DNAAF10: variants seen among roughly 807,000 people sequenced by gnomAD.
The protein encoded by DNAAF10 is dynein axonemal assembly factor 10.
Under a neutral mutation model 43.7 loss-of-function variants are expected in DNAAF10, and 28 were observed. That is an observed-to-expected ratio of 0.64 (90% CI 0.48 to 0.88). DNAAF10 has a LOEUF of 0.88. Among genes scored for constraint, DNAAF10 ranks in the 40% least tolerant of loss-of-function variants. DNAAF10 has a pLI of 0.00. For missense variants in DNAAF10, 403 were observed against 439.1 expected (o/e 0.92, Z 0.73); for synonymous variants, 156 against 157.3 (o/e 0.99, Z 0.06).
At chr2:68,144,441 G>T in intron 3 of DNAAF10, 144 bp downstream of exon 3, 1 of 1,026,642 alleles carries the variant, frequency 9.7e-7, no homozygotes, top group Non-Finnish European at 1.4e-6. Context: ...AATCAAACTT[G>T]TCTGTTAAAA....
At chr2:68,144,347 C>G (rs1673262452) in intron 3 of DNAAF10, among the ~76,000 whole-genome samples, 1 of 152,180 alleles carries the variant, frequency 6.6e-6, no homozygotes. Context: ...AGTAGCTGAA[C>G]CAGCTCAACA....
chr2:68,133,574 G>A (rs555296790), intron 7 of DNAAF10, among the ~76,000 whole-genome samples: 16 of 152,164 alleles, frequency 1.1e-4, no homozygotes, highest in Non-Finnish European at 2.1e-4. Context: ...CCAACATGGT[G>A]AAACCCCGTC....
At chr2:68,138,661 G>C (rs1673102600) in intron 5 of DNAAF10, 81 bp downstream of exon 5, 3 of 1,002,244 alleles carry the variant, frequency 3.0e-6, no homozygotes, top group Non-Finnish European at 4.7e-6. Context: ...TGAGTTACTA[G>C]AGGTGTTTTC....
intron 1 of DNAAF10, among the ~76,000 whole-genome samples, chr2:68,153,956 T>G (rs771812283): frequency 6.6e-6 from 1 of 152,070 alleles, no homozygotes; most frequent in South Asian, 2.1e-4. Context: ...GGTTTCACCA[T>G]GTTGGCCAGG....
At position 68,130,115 on chromosome 2, in the gene DNAAF10, G is replaced by GAGAGAGATAT. The variant is rs1453152500; in HGVS notation, c.*1122_*1123insATATCTCTCT. The GAGAGAGATAT allele has an allele frequency of 7.5e-6, 1 of 132,940 alleles. No individual in the cohort carries two copies. Among genetic ancestry groups the GAGAGAGATAT allele is most frequent in the African/African-American group, 2.9e-5 (1 of 34,256 alleles). 8.2% of individuals were successfully genotyped at this position (132,940 alleles called of 1,614,324 possible). The stretch of plus-strand genomic sequence containing the variant: ...CAACCGTGCCGTTTTGAGAGAGAGA[G>GAGAGAGATAT]ATATATATATATATATTTGTTTTTT... On this transcript the variant is annotated 3_prime_UTR_variant, in exon 8 of 8. Transcript: ENST00000295121.
intron 4 of DNAAF10, among the ~76,000 whole-genome samples, 190 bp downstream of exon 4, chr2:68,141,504 C>A (rs1194313760): frequency 6.6e-6 from 1 of 152,216 alleles, no homozygotes; most frequent in African/African-American, 2.4e-5. Context: ...GGCCACATGG[C>A]CAATAAGTAG....
intron 7 of DNAAF10, chr2:68,134,413 T>G: frequency 8.4e-7 from 1 of 1,190,208 alleles, no homozygotes; most frequent in Non-Finnish European, 1.0e-6. Context: ...TTCTAATCAC[T>G]TCAAGATAGT....
In DNAAF10 at chr2:68,157,472, G is replaced by C. The variant is rs747352739; in HGVS notation, c.-29C>G. The C allele has an allele frequency of 6.2e-7, 1 of 1,614,026 alleles. No homozygotes were observed. Among genetic ancestry groups the C allele is most frequent in the East Asian group, 2.2e-5 (1 of 44,878 alleles). ...GCAGCCAATTTCAGCTACGGCAACC[G>C]CCACACCCAGAGCCCCCAAAAACGG... is the stretch of plus-strand genomic sequence containing the variant. On this transcript the variant is annotated 5_prime_UTR_variant, in exon 1 of 8. Transcript: ENST00000295121.
intron 5 of DNAAF10, among the ~76,000 whole-genome samples, chr2:68,138,295 T>C (rs1673094755): frequency 1.3e-5 from 2 of 152,160 alleles, no homozygotes; most frequent in African/African-American, 4.8e-5. Context: ...TATTTAACTT[T>C]TTACATTATT....
rs147103603 is a variant in DNAAF10, at chr2:68,131,420, T to C, written c.892A>G (p.Lys298Glu). The C allele has an allele frequency of 2.7e-4, 433 of 1,614,198 alleles. 1 individual carries two copies. The Middle Eastern group carries it at 3.1e-3, about 12-fold the overall frequency. Residue 298 changes from lysine to glutamate, a missense_variant, in exon 8 of 8, where the codon AAA (lysine) becomes GAA (glutamate). Lys to Glu is a moderately conservative substitution (Grantham distance 56, BLOSUM62 1). Transcript: ENST00000295121. ...KYEYPIQRSK[K>E]DSEGIEMGVA... ...CCCATTTCTATTCCCTCAGAATCTT[T>C]CTTTGACCGCTGAATAGGGTATTCA...
intron 4 of DNAAF10, 21 bp from the exon 5 acceptor site, chr2:68,138,878 T>G: frequency 1.3e-6 from 2 of 1,548,206 alleles, no homozygotes; most frequent in Non-Finnish European, 1.8e-6. Flanking sequence ...AGATACAACA[T>G]TTCACATCCT....
chr2:68,151,439 C>T (rs766971730), intron 1 of DNAAF10, among the ~76,000 whole-genome samples: 1 of 152,196 alleles, frequency 6.6e-6, no homozygotes, highest in Non-Finnish European at 1.5e-5. Context: ...TCCCTCCAAT[C>T]TGAAAAACCC....
At chr2:68,156,691 T>C (rs1209668460) in intron 1 of DNAAF10, among the ~76,000 whole-genome samples, 4 of 152,262 alleles carry the variant, frequency 2.6e-5, no homozygotes, top group Non-Finnish European at 4.4e-5. Context: ...AGCTTCTGCA[T>C]GTGCAGAAGC....
At chr2:68,153,553 A>G (rs972722139) in intron 1 of DNAAF10, among the ~76,000 whole-genome samples, 1 of 152,048 alleles carries the variant, frequency 6.6e-6, no homozygotes, top group African/African-American at 2.4e-5. Flanking sequence ...CAGATGCAAC[A>G]AAGTTGTACT....
intron 7 of DNAAF10, chr2:68,131,710 C>G (rs1256100473): frequency 8.0e-6 from 3 of 374,862 alleles, no homozygotes; most frequent in Non-Finnish European, 1.5e-5. Context: ...TGTATTTTCT[C>G]TTTTAATATG....
At chr2:68,131,594 A>G in intron 7 of DNAAF10, 149 bp from the exon 8 acceptor site, 1 of 783,172 alleles carries the variant, frequency 1.3e-6, no homozygotes, top group South Asian at 1.9e-5. Context: ...GTTGTTTGCA[A>G]ATAAAGAGAC....
intron 7 of DNAAF10, chr2:68,134,436 T>A (rs1049713703): frequency 1.1e-5 from 13 of 1,231,892 alleles, no homozygotes; most frequent in Middle Eastern, 3.3e-4. Context: ...CTGATAAAAG[T>A]CTTGGGCCAA....
intron 1 of DNAAF10, among the ~76,000 whole-genome samples, chr2:68,148,838 A>G (rs578242312): frequency 6.6e-6 from 1 of 152,380 alleles, no homozygotes; most frequent in South Asian, 2.1e-4. Context: ...GGAAAAAGTG[A>G]GTCCCTTTAA....
At chr2:68,134,000 CT>C (rs1672978495) in intron 7 of DNAAF10, 1 of 426,424 alleles carries the variant, frequency 2.3e-6, no homozygotes, top group African/African-American at 2.2e-5. Context: ...TGTTTTTTCC[CT>C]GAGTGATGTT....
Sources: gnomAD v4.1 joint callset for allele counts (sites outside exome capture counted in the v4.1 genomes callset) on GRCh38, gnomAD v4.1.1 for gene constraint, MANE v1.5 for transcripts, NCBI Gene and HGNC (gene_info 2026-07-23, HGNC 2026-07-21) for gene names.